Variants in P4HA3 observed in about 807,000 individuals in gnomAD.
The protein encoded by P4HA3 is prolyl 4-hydroxylase subunit alpha-3.
Under a neutral mutation model 66.7 loss-of-function variants are expected in P4HA3, and 60 were observed. The observed-to-expected ratio is 0.90, with a 90% confidence interval of 0.73 to 1.12. The LOEUF is 1.12. Ranked by LOEUF, P4HA3 falls within the 50% of genes most tolerant of loss-of-function variation. The pLI is 0.00. For synonymous variants in P4HA3, 263 were observed against 274.6 expected, an observed-to-expected ratio of 0.96 and a Z score of 0.42; for missense variants, 683 against 685.8, an observed-to-expected ratio of 1.00 and a Z score of 0.05.
chr11:74,286,052 ACTATGGC>A, intron 6 of P4HA3, 67 bp from the exon 7 acceptor site: 1 of 1,520,058 alleles, frequency 6.6e-7, no homozygotes, highest in South Asian at 1.2e-5. Context: ...ACTTAGGGGA[ACTATGGC>A]ATAAAAAAAT....
At chr11:74,286,907 A>C (rs1159405631) in intron 5 of P4HA3, among the ~76,000 whole-genome samples, 1 of 152,226 alleles carries the variant, frequency 6.6e-6, no homozygotes, top group Non-Finnish European at 1.5e-5. Flanking sequence ...AGAAAGCCAA[A>C]GCCTATTGCA....
intron 1 of P4HA3, among the ~76,000 whole-genome samples, chr11:74,310,296 G>A (rs1452039340): frequency 6.6e-6 from 1 of 152,148 alleles, no homozygotes; most frequent in Non-Finnish European, 1.5e-5. Flanking sequence ...TGGTGCCTCA[G>A]CATCCCAAGT....
At chr11:74,283,957 T>C (rs1565411885) in intron 7 of P4HA3, among the ~76,000 whole-genome samples, 1 of 152,160 alleles carries the variant, frequency 6.6e-6, no homozygotes, top group African/African-American at 2.4e-5. Context: ...TTTTTCTCCA[T>C]TGTGCACTAA....
intron 15 of P4HA3, chr11:74,253,644 G>A (rs3741133): frequency 0.18 from 170,559 of 970,348 alleles, 16,278 homozygotes; most frequent in East Asian, 0.28. Context: ...CGGGCACCCC[G>A]AGATGTACCA....
Position 74,279,231 on chromosome 11 carries a change from G to A in P4HA3, c.1175+157C>T, listed in dbSNP as rs1298931241. Among the ~76,000 whole-genome samples the A allele has an allele frequency of 3.3e-5, 5 of 152,110 alleles. No individual in the cohort carries two copies. In the East Asian group the frequency reaches 9.6e-4, roughly 29 times the overall value. On this transcript the variant is annotated intron_variant, in intron 8 of 12. Coordinates refer to ENST00000331597, the MANE Select transcript of P4HA3 (RefSeq NM_182904.5). ...ATCTAACAACCTGGGAAAGGGGAGT[G>A]GAAACTTCACCCTCTTAAAAAGAAT...
In P4HA3 at chr11:74,289,135, T is replaced by TAAAAA; in HGVS notation, c.718-10_718-6dup. 5 of 1,377,788 alleles carry TAAAAA rather than the reference T, an allele frequency of 3.6e-6. No homozygotes were observed. Among genetic ancestry groups the TAAAAA allele is most frequent in the Middle Eastern group, 2.0e-4 (1 of 5,090 alleles). 85.3% of individuals were successfully genotyped at this position (1,377,788 alleles called of 1,614,324 possible). On this transcript the variant is annotated splice_polypyrimidine_tract_variant and splice_region_variant and intron_variant, in intron 4 of 12. Transcript: ENST00000331597. ...GGCACACGAAACATTTCCTGCCTGT[T>TAAAAA]AAAAAAAAAAAAAAGAAAAGAAAGC...
intron 15 of P4HA3, among the ~76,000 whole-genome samples, chr11:74,256,195 TC>T (rs1293851744): frequency 2.6e-5 from 4 of 152,260 alleles, no homozygotes; most frequent in South Asian, 4.1e-4. Context: ...ATCATTCTGT[TC>T]CTGCATGCTA....
Position 74,251,980 on chromosome 11 carries a change from T to C in P4HA3, c.*1319-3979A>G, listed in dbSNP as rs561259239. 8 of 666,314 alleles carry C rather than the reference T, an allele frequency of 1.2e-5. No homozygotes were observed. The African/African-American group carries it at 1.4e-4, about 12-fold the overall frequency. The allele number at this position is 666,314 out of a possible 1,614,324, so 41.3% of individuals were successfully genotyped here. A position where few individuals can be genotyped will look rare whatever the true frequency, so the allele number is the denominator to read the frequency against. On this transcript the variant is annotated intron_variant and NMD_transcript_variant, in intron 15 of 15. Coordinates refer to the P4HA3 transcript ENST00000524388. ...ACTCCCCACTGTGATGTGCATTTCT[T>C]CTTGAGGTGCCCCTTTGAGGAGGCT...
intron 8 of P4HA3, among the ~76,000 whole-genome samples, chr11:74,278,013 T>C (rs1459449072): frequency 1.3e-5 from 2 of 152,206 alleles, no homozygotes; most frequent in Non-Finnish European, 2.9e-5. Context: ...GACAGAGCTA[T>C]TGCCTTCTAA....
At chr11:74,284,530 T>G (rs1860717258) in intron 7 of P4HA3, among the ~76,000 whole-genome samples, 1 of 152,190 alleles carries the variant, frequency 6.6e-6, no homozygotes, top group Non-Finnish European at 1.5e-5. Flanking sequence ...TGATTGTAAT[T>G]TAATTTAATC....
chr11:74,273,676 T>C (rs145568139), intron 9 of P4HA3, 69 bp from the exon 10 acceptor site: 24 of 1,258,076 alleles, frequency 1.9e-5, no homozygotes, highest in Non-Finnish European at 2.6e-5. Flanking sequence ...AGGATTCCAC[T>C]ATTAATACAA....
chr11:74,287,435 G>A, intron 5 of P4HA3: 1 of 882,484 alleles, frequency 1.1e-6, no homozygotes, highest in Middle Eastern at 2.6e-4. Flanking sequence ...ATCTCAACTT[G>A]CCATGTTCTA....
At chr11:74,289,548 A>C (rs1860932335) in intron 4 of P4HA3, among the ~76,000 whole-genome samples, 1 of 149,898 alleles carries the variant, frequency 6.7e-6, no homozygotes, top group Non-Finnish European at 1.5e-5. Context: ...GCACCCATTA[A>C]CTCGTCATTT....
At chr11:74,269,538 C>T in intron 11 of P4HA3, 114 bp downstream of exon 11, 1 of 1,060,906 alleles carries the variant, frequency 9.4e-7, no homozygotes, top group Non-Finnish European at 1.3e-6. Context: ...TTGGGGAAGA[C>T]CTCTTTTTGG....
chr11:74,294,764 T>C (rs1255433192), intron 4 of P4HA3, among the ~76,000 whole-genome samples: 1 of 152,206 alleles, frequency 6.6e-6, no homozygotes, highest in Non-Finnish European at 1.5e-5. Context: ...ACAGCAGATA[T>C]TGGTGAACTG....
chr11:74,296,128 G>GC (rs1386331451), intron 4 of P4HA3, among the ~76,000 whole-genome samples: 1 of 152,198 alleles, frequency 6.6e-6, no homozygotes, highest in African/African-American at 2.4e-5. Flanking sequence ...AGTAGCATGT[G>GC]CCACGCACGC....
chr11:74,290,324 A>T (rs2134779887), intron 4 of P4HA3, among the ~76,000 whole-genome samples: 1 of 152,000 alleles, frequency 6.6e-6, no homozygotes, highest in Admixed American at 6.5e-5. Context: ...GTTTGAGTTC[A>T]TTGTAGATTC....
chr11:74,251,825 C>G, intron 15 of P4HA3: 1 of 1,355,054 alleles, frequency 7.4e-7, no homozygotes, highest in Non-Finnish European at 1.1e-6. Context: ...GTTTGGTCAC[C>G]ATGCCTTTCT....
At chr11:74,292,789 G>C (rs1861077029) in intron 4 of P4HA3, among the ~76,000 whole-genome samples, 1 of 152,182 alleles carries the variant, frequency 6.6e-6, no homozygotes, top group African/African-American at 2.4e-5. Flanking sequence ...GTTCTAGTTT[G>C]ACTGCACTGT....
Sources: allele counts gnomAD v4.1 joint callset (sites outside exome capture counted in the v4.1 genomes callset), GRCh38; gene constraint gnomAD v4.1.1; transcripts MANE v1.5; gene names NCBI Gene and HGNC (gene_info 2026-07-23, HGNC 2026-07-21).